The following FHOD3 variants were observed in gnomAD, a reference collection of about 807,000 sequenced individuals.
The protein encoded by FHOD3 is FH1/FH2 domain-containing protein 3.
Under a neutral mutation model 173.0 loss-of-function variants are expected in FHOD3, and 90 were observed. The ratio of observed to expected loss-of-function variants is 0.52; its 90% CI spans 0.44 to 0.62. The LOEUF (loss-of-function observed/expected upper bound fraction) is 0.62. Among genes scored for constraint, FHOD3 ranks in the 20% least tolerant of loss-of-function variants. The probability of loss-of-function intolerance (pLI) is 0.00; values close to 1 mark genes in which losing one functional copy is unlikely to be tolerated. For missense variants in FHOD3, 1,945 were observed against 2,034.7 expected (o/e 0.96, Z 0.85); for synonymous variants, 828 against 823.0 (o/e 1.01, Z -0.10).
intron 1 of FHOD3, among the ~76,000 whole-genome samples, chr18:36,331,228 G>C (rs79140367): frequency 6.6e-6 from 1 of 152,196 alleles, no homozygotes; most frequent in African/African-American, 2.4e-5. Context: ...AGTTTGGATT[G>C]ACTACTAGTT....
chr18:36,572,538 T>G (rs1008063757), intron 5 of FHOD3, among the ~76,000 whole-genome samples: 1 of 152,144 alleles, frequency 6.6e-6, no homozygotes, highest in Non-Finnish European at 1.5e-5. Context: ...ATATGAAAAA[T>G]TAGCGTGATC....
At chr18:36,604,624 G>A (rs1046015449) in intron 8 of FHOD3, among the ~76,000 whole-genome samples, 9 of 152,024 alleles carry the variant, frequency 5.9e-5, no homozygotes, top group Non-Finnish European at 1.3e-4. Context: ...GGAGCTTAAA[G>A]CATTTAATGG....
chr18:36,694,218 C>T (rs913600600), intron 17 of FHOD3, among the ~76,000 whole-genome samples: 10 of 152,234 alleles, frequency 6.6e-5, no homozygotes, highest in African/African-American at 1.9e-4. Context: ...CTGATGTAGA[C>T]TTAGCCAATT....
intron 3 of FHOD3, among the ~76,000 whole-genome samples, chr18:36,432,330 G>A (rs1216481141): frequency 6.6e-6 from 1 of 152,184 alleles, no homozygotes; most frequent in East Asian, 1.9e-4. Flanking sequence ...AAATAGGACT[G>A]TCAACTTTGG....
chr18:36,775,265 A>C (rs189174145), intron 28 of FHOD3, among the ~76,000 whole-genome samples: 96 of 152,330 alleles, frequency 6.3e-4, no homozygotes, highest in African/African-American at 2.3e-3. Context: ...GTGCAAAAAA[A>C]CCCCGAAATA....
intron 27 of FHOD3, among the ~76,000 whole-genome samples, chr18:36,767,961 A>G (rs2043212492): frequency 6.6e-6 from 1 of 152,224 alleles, no homozygotes; most frequent in South Asian, 2.1e-4. Context: ...ACTTAAAAAA[A>G]AAATTAGTGT....
chr18:36,705,766 A>G (rs1038036654), intron 17 of FHOD3, among the ~76,000 whole-genome samples: 1 of 152,152 alleles, frequency 6.6e-6, no homozygotes, highest in Non-Finnish European at 1.5e-5. Flanking sequence ...AAACATTCCT[A>G]GGAGGGAAAC....
At chr18:36,314,468 A>G (rs888370191) in intron 1 of FHOD3, among the ~76,000 whole-genome samples, 1 of 152,230 alleles carries the variant, frequency 6.6e-6, no homozygotes, top group African/African-American at 2.4e-5. Flanking sequence ...TGTGAGCAGT[A>G]ATGGAGGAAT....
At chr18:36,313,830 G>C (rs1423498009) in intron 1 of FHOD3, among the ~76,000 whole-genome samples, 1 of 151,846 alleles carries the variant, frequency 6.6e-6, no homozygotes, top group African/African-American at 2.4e-5. Context: ...TCTCTCCTTA[G>C]CAGGGCAGTC....
intron 3 of FHOD3, among the ~76,000 whole-genome samples, chr18:36,388,373 C>T (rs1447826092): frequency 6.6e-6 from 1 of 152,138 alleles, no homozygotes; most frequent in African/African-American, 2.4e-5. Context: ...GTAACCCAGT[C>T]CCATGAGAAG....
At chr18:36,366,442 C>T (rs985525878) in intron 2 of FHOD3, among the ~76,000 whole-genome samples, 2 of 152,204 alleles carry the variant, frequency 1.3e-5, no homozygotes, top group Non-Finnish European at 2.9e-5. Flanking sequence ...GCCATGTCCA[C>T]AGCATGTTAC....
chr18:36,297,755 C>T lies in FHOD3; in HGVS notation c.-81C>T. The T allele has an allele frequency of 4.0e-6, 5 of 1,244,830 alleles. No homozygotes were observed. Among genetic ancestry groups the T allele is most frequent in the Non-Finnish European group, 5.2e-6 (5 of 953,740 alleles). 77.1% of individuals were successfully genotyped at this position (1,244,830 alleles called of 1,614,324 possible). On this transcript the variant is annotated 5_prime_UTR_variant, in exon 1 of 29. Coordinates refer to ENST00000590592, the MANE Select transcript of FHOD3 (RefSeq NM_001281740.3). ...AGCCAGCGAGCTGCGGCTGCGGCCT[C>T]CCCTGCGCGCAGCTACCCGGGCGTC...
At chr18:36,731,265 C>T (rs1251989721) in intron 20 of FHOD3, among the ~76,000 whole-genome samples, 1 of 152,148 alleles carries the variant, frequency 6.6e-6, no homozygotes, top group African/African-American at 2.4e-5. Flanking sequence ...CCAGCTGAAG[C>T]TTTAGCATTT....
At chr18:36,319,916 T>G (rs993831194) in intron 1 of FHOD3, among the ~76,000 whole-genome samples, 1 of 152,098 alleles carries the variant, frequency 6.6e-6, no homozygotes, top group African/African-American at 2.4e-5. Context: ...AAGGCAGAAA[T>G]AAAGGTGTTC....
chr18:36,567,170 G>A (rs1319346036), intron 5 of FHOD3, among the ~76,000 whole-genome samples: 1 of 152,202 alleles, frequency 6.6e-6, no homozygotes, highest in Non-Finnish European at 1.5e-5. Flanking sequence ...CTTCAGTCCT[G>A]CTTCCAGCAA....
At chr18:36,533,223 C>A (rs1484726751) in intron 5 of FHOD3, among the ~76,000 whole-genome samples, 2 of 152,226 alleles carry the variant, frequency 1.3e-5, no homozygotes, top group African/African-American at 2.4e-5. Flanking sequence ...GCAAACCAGG[C>A]ATGATGAAAG....
At chr18:36,399,244 G>A (rs2048692145) in intron 3 of FHOD3, among the ~76,000 whole-genome samples, 1 of 152,138 alleles carries the variant, frequency 6.6e-6, no homozygotes, top group Non-Finnish European at 1.5e-5. Context: ...CCCAATTTCA[G>A]TGTCCTGTTC....
chr18:36,652,506 A>G, intron 11 of FHOD3, 64 bp from the exon 12 acceptor site: 2 of 1,464,458 alleles, frequency 1.4e-6, no homozygotes, highest in Non-Finnish European at 1.8e-6. Flanking sequence ...CTTTTTCCTA[A>G]CCTTTGCTCC....
At chr18:36,725,042 C>T (rs565218969) in intron 19 of FHOD3, among the ~76,000 whole-genome samples, 2 of 152,332 alleles carry the variant, frequency 1.3e-5, no homozygotes, top group Admixed American at 6.5e-5. Context: ...TTCCCACACA[C>T]TATCTCATGT....
Sources: gnomAD v4.1 joint callset for allele counts (sites outside exome capture counted in the v4.1 genomes callset) on GRCh38, gnomAD v4.1.1 for gene constraint, MANE v1.5 for transcripts, NCBI Gene and HGNC (gene_info 2026-07-23, HGNC 2026-07-21) for gene names.